Variants in GALK1 observed in about 807,000 individuals in gnomAD.
The protein encoded by GALK1 is galactokinase.
Under a neutral mutation model 38.6 loss-of-function variants are expected in GALK1, and 30 were observed. That is an observed-to-expected ratio of 0.78 (90% CI 0.58 to 1.05). The LOEUF (loss-of-function observed/expected upper bound fraction) is 1.05, where lower values mean the gene tolerates loss of function less well. Ranked by LOEUF, GALK1 falls within the 50% of genes least tolerant of loss-of-function variation. The pLI is 0.00. For synonymous variants in GALK1, 240 were observed against 233.6 expected (o/e 1.03, Z -0.25); for missense variants, 512 against 540.5 (o/e 0.95, Z 0.52).
At position 75,763,969 on chromosome 17, in the gene GALK1, C is replaced by T. The variant is rs1404609685; in HGVS notation, c.283G>A (p.Ala95Thr). The change falls in exon 2 of 8, where the codon GCC (alanine) becomes ACC (threonine). Residue 95 changes from alanine (A) to threonine (T), a missense_variant. Ala to Thr is a moderately conservative substitution (Grantham distance 58). Coordinates refer to ENST00000588479, the MANE Select transcript of GALK1 (RefSeq NM_000154.2). ...PQRLQFPLPT[A>T]QRSLEPGTPR... The stretch of plus-strand genomic sequence containing the variant: ...GTCCCAGGCTCCAGCGAGCGCTGGG[C>T]TGTGGGCAGTGGAAACTGCAGCCGC... The T allele has an allele frequency of 1.2e-6, 2 of 1,613,160 alleles. No homozygotes were observed. The highest frequency in any genetic ancestry group is 4.5e-5 in the East Asian group (2 of 44,880).
At chr17:75,755,292 G>A (rs2061470831), downstream of GALK1, 1 of 1,446,452 alleles carries the variant, frequency 6.9e-7, no homozygotes, top group Non-Finnish European at 9.4e-7. Context: ...GCCGCCAGCT[G>A]TGCCCACTGC....
downstream of GALK1, chr17:75,755,021 C>G (rs984397035): frequency 6.3e-7 from 1 of 1,584,458 alleles, no homozygotes; most frequent in African/African-American, 1.3e-5. Context: ...TGCACACTCC[C>G]TGCTCCTCTC....
At chr17:75,762,981 A>G (rs1338641479) in intron 4 of GALK1, 33 bp downstream of exon 4, 1 of 1,612,032 alleles carries the variant, frequency 6.2e-7, no homozygotes, top group Non-Finnish European at 8.5e-7. Flanking sequence ...TGCTGAGTGC[A>G]GGGCGGGAGG....
At chr17:75,759,155 C>A (rs538853564) in intron 5 of GALK1, among the ~76,000 whole-genome samples, 1 of 152,126 alleles carries the variant, frequency 6.6e-6, no homozygotes, top group African/African-American at 2.4e-5. Flanking sequence ...TGGGTGGGCG[C>A]GGTGGCTCAC....
intron 5 of GALK1, among the ~76,000 whole-genome samples, chr17:75,759,531 A>G (rs1401134529): frequency 6.6e-6 from 1 of 152,002 alleles, no homozygotes; most frequent in Non-Finnish European, 1.5e-5. Context: ...TGAGGGAAGG[A>G]GCCAGGCAGC....
chr17:75,753,214 G>T (rs2061407917), downstream of GALK1, among the ~76,000 whole-genome samples: 1 of 152,250 alleles, frequency 6.6e-6, no homozygotes, highest in Non-Finnish European at 1.5e-5. Flanking sequence ...GATGCCTCAA[G>T]CTGCCCCCGG....
chr17:75,757,375 CA>C (rs1207223360), downstream of GALK1: 2 of 1,612,984 alleles, frequency 1.2e-6, no homozygotes, highest in Non-Finnish European at 1.7e-6. Context: ...GGGAGAAGGG[CA>C]GACCCCAAGC....
downstream of GALK1, among the ~76,000 whole-genome samples, chr17:75,753,310 C>T (rs2061410410): frequency 6.6e-6 from 1 of 152,202 alleles, no homozygotes; most frequent in South Asian, 2.1e-4. Flanking sequence ...TGGTGTGACT[C>T]TGGAACCCCA....
Position 75,762,760 on chromosome 17 carries a change from A to C in GALK1, c.737T>G (p.Val246Gly), listed in dbSNP as rs748015014. 9 of 1,613,864 alleles carry C rather than the reference A, an allele frequency of 5.6e-6. No homozygotes were observed. The highest frequency in any genetic ancestry group is 6.8e-6 in the Non-Finnish European group (8 of 1,180,008). The change falls in exon 5 of 8, where the codon GTG becomes GGG. Residue 246 changes from valine to glycine, a missense_variant. Transcript: ENST00000588479. ...GCTTTCCTTGCCCAGCGCCCGGGCC[A>C]CTTCTTCACATTGGCGCCGCCGCAC... is the stretch of plus-strand genomic sequence containing the variant. ...YPVRRRQCEE[V>G]ARALGKESLR...
chr17:75,762,760 A>T lies in GALK1; in HGVS notation c.737T>A (p.Val246Glu). Residue 246 changes from valine to glutamate, a missense_variant, in exon 5 of 8, where the codon GTG becomes GAG. Val to Glu is a moderately radical substitution (Grantham distance 121). Coordinates refer to ENST00000588479, the MANE Select transcript of GALK1 (RefSeq NM_000154.2). ...YPVRRRQCEE[V>E]ARALGKESLR... ...GCTTTCCTTGCCCAGCGCCCGGGCC[A>T]CTTCTTCACATTGGCGCCGCCGCAC... is the stretch of plus-strand genomic sequence containing the variant. 6.2e-7 allele frequency: 1 copy of T among 1,613,864 alleles called. No individual in the cohort carries two copies. Among genetic ancestry groups the T allele is most frequent in the Non-Finnish European group, 8.5e-7 (1 of 1,180,008 alleles).
intron 8 of GALK1, chr17:75,752,086 G>A (rs2061378917): frequency 7.1e-7 from 1 of 1,403,654 alleles, no homozygotes; most frequent in African/African-American, 1.4e-5. Context: ...GCCATCCAGG[G>A]GATGCACGGC....
chr17:75,756,277 G>A (rs1016148967), downstream of GALK1: 3 of 750,024 alleles, frequency 4.0e-6, no homozygotes, highest in African/African-American at 5.2e-5. Context: ...TGAACAACCA[G>A]CCATACCATA....
rs780668360 is a variant in GALK1, at chr17:75,765,186, G to T, written c.-50C>A. 1.5e-5 allele frequency: 21 copies of T among 1,380,884 alleles called. No homozygotes were observed. In the East Asian group the frequency reaches 4.3e-4, roughly 28 times the overall value. The allele number at this position is 1,380,884 out of a possible 1,614,324, so 85.5% of individuals were successfully genotyped here. A position where few individuals can be genotyped will look rare whatever the true frequency, so the allele number is the denominator to read the frequency against. Reference sequence around the variant, plus strand: ...GCTGCTCCGGCACAGCCCCGTCGGCGCGGGATGCTCGGGCGGGGCCCCGCG... The same window carrying T: ...GCTGCTCCGGCACAGCCCCGTCGGCTCGGGATGCTCGGGCGGGGCCCCGCG... On this transcript the variant is annotated 5_prime_UTR_variant, in exon 1 of 8. Coordinates refer to ENST00000588479, the MANE Select transcript of GALK1 (RefSeq NM_000154.2).
downstream of GALK1, chr17:75,756,878 G>A (rs1435891899): frequency 5.6e-6 from 9 of 1,612,062 alleles, no homozygotes; most frequent in Admixed American, 1.7e-5. Flanking sequence ...CACCCCGGGG[G>A]CAGGAGTGGC....
intron 2 of GALK1, 43 bp from the exon 3 acceptor site, chr17:75,763,482 G>A: frequency 6.4e-7 from 1 of 1,556,158 alleles, no homozygotes. Flanking sequence ...GGCTGCCTGG[G>A]AGGATGGCAC....
downstream of GALK1, among the ~76,000 whole-genome samples, chr17:75,756,025 C>T (rs1194003964): frequency 1.3e-5 from 2 of 152,228 alleles, no homozygotes; most frequent in African/African-American, 4.8e-5. Flanking sequence ...TCTTTGCCTC[C>T]CCTCTTCTGA....
At chr17:75,759,212 G>C (rs774453091) in intron 5 of GALK1, among the ~76,000 whole-genome samples, 5 of 152,178 alleles carry the variant, frequency 3.3e-5, no homozygotes, top group African/African-American at 4.8e-5. Context: ...CAGATTGCCT[G>C]AGGTCAGGAG....
chr17:75,761,266 A>G (rs138654400), intron 5 of GALK1, among the ~76,000 whole-genome samples: 3 of 152,248 alleles, frequency 2.0e-5, no homozygotes, highest in Non-Finnish European at 4.4e-5. Context: ...TGTGAGGTGT[A>G]TCAGAAAATA....
chr17:75,756,253 T>A (rs2061498497), downstream of GALK1, among the ~76,000 whole-genome samples: 1 of 152,068 alleles, frequency 6.6e-6, no homozygotes, highest in Non-Finnish European at 1.5e-5. Context: ...TCCACTCTTG[T>A]ATAGTACACA....
Sources: gnomAD v4.1 joint callset for allele counts (sites outside exome capture counted in the v4.1 genomes callset) on GRCh38, gnomAD v4.1.1 for gene constraint, MANE v1.5 for transcripts, NCBI Gene and HGNC (gene_info 2026-07-23, HGNC 2026-07-21) for gene names.